GNS: variants seen among roughly 807,000 people sequenced by gnomAD.
GNS encodes glucosamine (N-acetyl)-6-sulfatase.
A neutral mutation model predicts 69.7 loss-of-function variants in GNS; 40 were observed. The observed-to-expected ratio is 0.57, with a 90% CI of 0.45 to 0.75. GNS has a LOEUF of 0.75. GNS is among the 30% of genes least tolerant of loss of function. The pLI is 0.00. For synonymous variants in GNS, 243 were observed against 251.6 expected, an observed-to-expected ratio of 0.97 and a Z score of 0.32; for missense variants, 565 against 685.5, an observed-to-expected ratio of 0.82 and a Z score of 1.96.
At chr12:64,738,722 A>G (rs1592501449) in intron 8 of GNS, among the ~76,000 whole-genome samples, 1 of 152,114 alleles carries the variant, frequency 6.6e-6, no homozygotes, top group Admixed American at 6.5e-5. Flanking sequence ...TTGAGGCAGG[A>G]GAATTGCTTG....
At chr12:64,750,080 CTT>C (rs1197279814) in intron 2 of GNS, among the ~76,000 whole-genome samples, 5 of 151,810 alleles carry the variant, frequency 3.3e-5, no homozygotes, top group Admixed American at 6.6e-5. Context: ...GAGTTTCGCT[CTT>C]GTCACCCAGG....
chr12:64,746,127 A>C (rs1251886281), intron 3 of GNS: 1 of 264,436 alleles, frequency 3.8e-6, no homozygotes, highest in Admixed American at 5.0e-5. Context: ...CTTTCACGCT[A>C]CAGTGGCAGA....
intron 8 of GNS, among the ~76,000 whole-genome samples, chr12:64,738,421 C>T (rs80230129): frequency 6.6e-6 from 1 of 152,136 alleles, no homozygotes; most frequent in African/African-American, 2.4e-5. Context: ...AAGAAAAACA[C>T]AGGGAGAGTA....
intron 1 of GNS, among the ~76,000 whole-genome samples, chr12:64,755,222 GCA>G (rs1414736484): frequency 6.6e-6 from 1 of 152,106 alleles, no homozygotes; most frequent in African/African-American, 2.4e-5. Context: ...CTGGTTCCAT[GCA>G]CAGTTGCTCT....
intron 1 of GNS, among the ~76,000 whole-genome samples, chr12:64,753,851 C>T (rs1210080287): frequency 9.2e-5 from 14 of 152,148 alleles, no homozygotes; most frequent in Admixed American, 5.2e-4. Context: ...AGAAGATCTT[C>T]GCCAGCCTTC....
Position 64,759,238 on chromosome 12 carries a change from C to A in GNS, c.39G>T (p.Arg13=). The A allele has an allele frequency of 2.6e-6, 4 of 1,542,836 alleles. No homozygotes were observed. Among genetic ancestry groups the A allele is most frequent in the Non-Finnish European group, 3.5e-6 (4 of 1,143,650 alleles). The part of the protein sequence containing the change: ...LLPLAPGRLR[R]GSPRHLPSCS... ...AGGAGGGCAGGTGGCGGGGGCTGCC[C>A]CGCCGGAGCCGACCTGGGGCTAGAG... Residue 13 remains arginine (R), a synonymous_variant, in exon 1 of 14, where the codon CGG becomes CGT. Coordinates refer to ENST00000258145, the MANE Select transcript of GNS (RefSeq NM_002076.4).
Position 64,747,729 on chromosome 12 carries a change from C to A in GNS, c.442G>T (p.Gly148Trp). ...SMCGYQTFFAGKYLNEYGAPD... is the reference protein window; with the variant it reads ...SMCGYQTFFAWKYLNEYGAPD... ...CAACATACCTCATTTAAATATTTCCCTGCAAAAAAGGTCTGATAACCACAC... is the reference window on the plus strand; with the variant it reads ...CAACATACCTCATTTAAATATTTCCATGCAAAAAAGGTCTGATAACCACAC... Residue 148 changes from glycine to tryptophan, a missense_variant, in exon 3 of 14, where the codon GGG (glycine) becomes TGG (tryptophan). By Grantham distance (184) the Gly-to-Trp change is radical (BLOSUM62 -2). This residue lies in a region of GNS where 384 missense variants were observed against 511.0 expected (regional missense o/e 0.75). Coordinates refer to ENST00000258145, the MANE Select transcript of GNS (RefSeq NM_002076.4). 1.9e-6 allele frequency: 3 copies of A among 1,596,566 alleles called. No individual in the cohort carries two copies. The highest frequency in any genetic ancestry group is 2.6e-6 in the Non-Finnish European group (3 of 1,163,998).
intron 1 of GNS, among the ~76,000 whole-genome samples, chr12:64,757,130 G>C (rs961244299): frequency 6.6e-6 from 1 of 152,166 alleles, no homozygotes; most frequent in African/African-American, 2.4e-5. Flanking sequence ...AATGAGCCTT[G>C]ATTGTACCAC....
intron 3 of GNS, among the ~76,000 whole-genome samples, chr12:64,746,617 A>C (rs1033788278): frequency 7.9e-5 from 12 of 152,222 alleles, no homozygotes; most frequent in African/African-American, 2.7e-4. Flanking sequence ...GAAACCACAG[A>C]ATTATCCCAC....
At chr12:64,736,972 C>G in intron 9 of GNS, 32 bp downstream of exon 9, 1 of 1,055,186 alleles carries the variant, frequency 9.5e-7, no homozygotes, top group East Asian at 2.4e-5. Context: ...AAGTGCCTAC[C>G]TGTCCACAGC....
chr12:64,718,271 G>A (rs908173796), intron 13 of GNS, among the ~76,000 whole-genome samples: 1 of 152,088 alleles, frequency 6.6e-6, no homozygotes, highest in Non-Finnish European at 1.5e-5. Context: ...GGAATAATCA[G>A]GGCTAAGGAA....
At position 64,759,330 on chromosome 12, in the gene GNS, G is replaced by C; in HGVS notation, c.-54C>G. The C allele has an allele frequency of 8.1e-7, 1 of 1,236,344 alleles. No individual in the cohort carries two copies. The highest frequency in any genetic ancestry group is 1.1e-6 in the Non-Finnish European group (1 of 913,118). 76.6% of individuals were successfully genotyped at this position (1,236,344 alleles called of 1,614,324 possible). A position where few individuals can be genotyped will look rare whatever the true frequency, so the allele number is the denominator to read the frequency against. ...ACGGGACGGGACGGAGGGACGCACA[G>C]GTAGCTGAAGGGCGAGAGGCCGACC... is the stretch of plus-strand genomic sequence containing the variant. On this transcript the variant is annotated 5_prime_UTR_variant, in exon 1 of 14. Coordinates refer to ENST00000258145, the MANE Select transcript of GNS (RefSeq NM_002076.4).
At chr12:64,744,705 T>A in intron 5 of GNS, 104 bp downstream of exon 5, 1 of 736,274 alleles carries the variant, frequency 1.4e-6, no homozygotes. Flanking sequence ...TGCATTTATA[T>A]TACCCAACAC....
At chr12:64,748,818 A>G (rs1446589579) in intron 2 of GNS, among the ~76,000 whole-genome samples, 1 of 152,198 alleles carries the variant, frequency 6.6e-6, no homozygotes, top group Non-Finnish European at 1.5e-5. Context: ...AAGGAATACT[A>G]GCTTATACTT....
At chr12:64,758,007 A>G (rs1473122107) in intron 1 of GNS, among the ~76,000 whole-genome samples, 2 of 152,124 alleles carry the variant, frequency 1.3e-5, no homozygotes, top group Non-Finnish European at 2.9e-5. Flanking sequence ...GGGTCAGAGG[A>G]CTCTGCCTCA....
intron 1 of GNS, among the ~76,000 whole-genome samples, chr12:64,758,071 G>T (rs529324770): frequency 1.3e-5 from 2 of 152,180 alleles, no homozygotes; most frequent in African/African-American, 4.8e-5. Flanking sequence ...GAAGGGGTTG[G>T]AGTGGATGTT....
At chr12:64,732,086 AAG>A (rs1216704748) in intron 9 of GNS, among the ~76,000 whole-genome samples, 1 of 151,626 alleles carries the variant, frequency 6.6e-6, no homozygotes, top group Non-Finnish European at 1.5e-5. Flanking sequence ...TCCTGGGTTC[AAG>A]CAATACTCTT....
chr12:64,731,444 C>T (rs1287228483), intron 9 of GNS, among the ~76,000 whole-genome samples: 1 of 152,144 alleles, frequency 6.6e-6, no homozygotes, highest in Non-Finnish European at 1.5e-5. Context: ...AATCCAAAGT[C>T]ACTAAGATTC....
At chr12:64,737,562 A>T (rs1869593552) in intron 8 of GNS, among the ~76,000 whole-genome samples, 1 of 150,560 alleles carries the variant, frequency 6.6e-6, no homozygotes, top group African/African-American at 2.4e-5. Context: ...TAAATACAAA[A>T]GAAAGGACAG....
Sources: gnomAD v4.1 joint callset for allele counts (sites outside exome capture counted in the v4.1 genomes callset) on GRCh38, gnomAD v4.1.1 for gene constraint, gnomAD v4.1.1 regional missense constraint, MANE v1.5 for transcripts, NCBI Gene and HGNC (gene_info 2026-07-23, HGNC 2026-07-21) for gene names.